Variants in RSRC1 observed in about 807,000 individuals in gnomAD.
RSRC1 encodes arginine and serine rich coiled-coil 1, also known as serine/Arginine-related protein 53.
RSRC1 carries 39 observed loss-of-function variants against 49.1 expected under a neutral mutation model. The observed-to-expected ratio is 0.79, with a 90% CI of 0.61 to 1.04. RSRC1 has a LOEUF of 1.04. Ranked by LOEUF, RSRC1 falls within the 50% of genes least tolerant of loss-of-function variation. RSRC1 has a pLI of 0.00. For synonymous variants in RSRC1, 143 were observed against 130.8 expected, an observed-to-expected ratio of 1.09 and a Z score of -0.63; for missense variants, 388 against 402.4, an observed-to-expected ratio of 0.96 and a Z score of 0.31.
chr3:158,529,214 G>GTGTATATATATATATATATA (rs374368016), intron 7 of RSRC1, among the ~76,000 whole-genome samples: 1 of 143,122 alleles, frequency 7.0e-6, no homozygotes, highest in African/African-American at 2.6e-5. Context: ...ATGTGTGTGT[G>GTGTATATATATATATATATA]TATATATATA....
intron 3 of RSRC1, among the ~76,000 whole-genome samples, chr3:158,173,209 C>G (rs1026829394): frequency 6.6e-6 from 1 of 151,768 alleles, no homozygotes; most frequent in Non-Finnish European, 1.5e-5. Flanking sequence ...TAAACATAGA[C>G]TGGATTATTT....
At chr3:158,472,235 T>A (rs1303756927) in intron 7 of RSRC1, among the ~76,000 whole-genome samples, 2 of 152,160 alleles carry the variant, frequency 1.3e-5, no homozygotes, top group Non-Finnish European at 2.9e-5. Flanking sequence ...GAAGTGCTAC[T>A]GAACAACACC....
At chr3:158,308,983 T>C (rs1442792495) in intron 5 of RSRC1, among the ~76,000 whole-genome samples, 1 of 151,920 alleles carries the variant, frequency 6.6e-6, no homozygotes, top group East Asian at 1.9e-4. Context: ...TGCACAATTG[T>C]CAGAGCTGTA....
Position 158,203,174 on chromosome 3 carries a change from C to CAG in RSRC1, c.427_428dup (p.Asp143GlufsTer33). 1.2e-6 allele frequency: 2 copies of CAG among 1,612,742 alleles called. No homozygotes were observed. The highest frequency in any genetic ancestry group is 1.7e-6 in the Non-Finnish European group (2 of 1,179,262). On this transcript the variant is annotated frameshift_variant, in exon 4 of 10. Transcript: ENST00000611884. LOFTEE classifies it high-confidence loss of function. Reference sequence around the variant, plus strand: ...CTCGGGATAGAGAACGACGTAAGGGCAGAGATAAAGAGAAAAGAGAAAAGG... The same window carrying CAG: ...CTCGGGATAGAGAACGACGTAAGGGCAGAGAGATAAAGAGAAAAGAGAAAAGG...
At chr3:158,125,665 A>G (rs997898066) in intron 3 of RSRC1, among the ~76,000 whole-genome samples, 2 of 152,150 alleles carry the variant, frequency 1.3e-5, no homozygotes, top group Non-Finnish European at 2.9e-5. Flanking sequence ...AGAATGTTCC[A>G]TGTACACTTG....
At chr3:158,337,191 G>A (rs1483978336) in intron 5 of RSRC1, among the ~76,000 whole-genome samples, 1 of 152,140 alleles carries the variant, frequency 6.6e-6, no homozygotes, top group Non-Finnish European at 1.5e-5. Flanking sequence ...CACGCGGAGA[G>A]CGAAGACATT....
intron 6 of RSRC1, among the ~76,000 whole-genome samples, chr3:158,401,840 A>C (rs1195546741): frequency 6.6e-6 from 1 of 152,010 alleles, no homozygotes; most frequent in Non-Finnish European, 1.5e-5. Flanking sequence ...TCATGGTTTA[A>C]TTTTAATTTA....
intron 3 of RSRC1, among the ~76,000 whole-genome samples, chr3:158,191,096 C>T (rs1277205824): frequency 6.6e-6 from 1 of 151,698 alleles, no homozygotes; most frequent in African/African-American, 2.4e-5. Flanking sequence ...TTTGTAGATC[C>T]CTGAACTTCA....
At chr3:158,391,184 A>G (rs1012384740) in intron 6 of RSRC1, among the ~76,000 whole-genome samples, 10 of 152,110 alleles carry the variant, frequency 6.6e-5, no homozygotes, top group East Asian at 1.9e-4. Flanking sequence ...CTGGGGTTCT[A>G]TCTTCCATAA....
At chr3:158,117,824 C>G (rs1392789565) in intron 1 of RSRC1, among the ~76,000 whole-genome samples, 1 of 151,730 alleles carries the variant, frequency 6.6e-6, no homozygotes, top group Non-Finnish European at 1.5e-5. Flanking sequence ...GAATGCGTAT[C>G]TGGTGCATTT....
At chr3:158,343,056 C>T (rs925953351) in intron 5 of RSRC1, among the ~76,000 whole-genome samples, 1 of 152,126 alleles carries the variant, frequency 6.6e-6, no homozygotes, top group Non-Finnish European at 1.5e-5. Flanking sequence ...CACAGGGTGC[C>T]CCTTGAGTAT....
chr3:158,532,280 A>G, intron 7 of RSRC1, among the ~76,000 whole-genome samples: 1 of 151,890 alleles, frequency 6.6e-6, no homozygotes, highest in East Asian at 1.9e-4. Context: ...GTTACTTGTC[A>G]TGATCACATC....
chr3:158,399,311 C>T (rs1430246830), intron 6 of RSRC1, among the ~76,000 whole-genome samples: 1 of 80,586 alleles, frequency 1.2e-5, no homozygotes, highest in African/African-American at 5.5e-5. Context: ...CCCGCCACTA[C>T]GCCCGGCTAA....
At chr3:158,478,491 A>C (rs1168436049) in intron 7 of RSRC1, among the ~76,000 whole-genome samples, 3 of 152,012 alleles carry the variant, frequency 2.0e-5, no homozygotes, top group African/African-American at 7.2e-5. Context: ...ATCAAGCAAA[A>C]ATGGAATTCT....
At chr3:158,478,589 T>C (rs1276821131) in intron 7 of RSRC1, among the ~76,000 whole-genome samples, 1 of 151,892 alleles carries the variant, frequency 6.6e-6, no homozygotes, top group African/African-American at 2.4e-5. Context: ...TCATGAGTTA[T>C]TGTTTATTTG....
intron 4 of RSRC1, among the ~76,000 whole-genome samples, chr3:158,279,663 G>A (rs1178943552): frequency 6.6e-6 from 1 of 152,178 alleles, no homozygotes; most frequent in Non-Finnish European, 1.5e-5. Context: ...TTTATTGTGA[G>A]AAAGTAATTC....
At chr3:158,178,079 T>A (rs1342816818) in intron 3 of RSRC1, among the ~76,000 whole-genome samples, 1 of 152,152 alleles carries the variant, frequency 6.6e-6, no homozygotes, top group Non-Finnish European at 1.5e-5. Flanking sequence ...TAATAATTAT[T>A]TGAATCTTCT....
chr3:158,255,362 A>G (rs1341004188), intron 4 of RSRC1, among the ~76,000 whole-genome samples: 1 of 152,178 alleles, frequency 6.6e-6, no homozygotes, highest in Non-Finnish European at 1.5e-5. Flanking sequence ...TTTGTCAAAG[A>G]TCAGATCATT....
At chr3:158,161,677 G>A (rs898721326) in intron 3 of RSRC1, among the ~76,000 whole-genome samples, 1 of 152,070 alleles carries the variant, frequency 6.6e-6, no homozygotes, top group Non-Finnish European at 1.5e-5. Flanking sequence ...CAGGAGAATC[G>A]CTTGAACCTG....
Sources: allele counts gnomAD v4.1 joint callset (sites outside exome capture counted in the v4.1 genomes callset), GRCh38; gene constraint gnomAD v4.1.1; transcripts MANE v1.5; gene names NCBI Gene and HGNC (gene_info 2026-07-23, HGNC 2026-07-21).